Variants in FAT4 observed in about 807,000 individuals in gnomAD.
FAT4 encodes protocadherin Fat 4.
Under a neutral mutation model 303.9 loss-of-function variants are expected in FAT4, and 84 were observed. The ratio of observed to expected loss-of-function variants is 0.28; its 90% CI spans 0.23 to 0.33. FAT4 has a LOEUF of 0.33. FAT4 is among the 10% of genes least tolerant of loss of function. FAT4 has a pLI of 1.00. For synonymous variants in FAT4, 2,307 were observed against 2,298.8 expected, an observed-to-expected ratio of 1.00 and a Z score of -0.10; for missense variants, 6,005 against 6,146.8, an observed-to-expected ratio of 0.98 and a Z score of 0.77.
chr4:125,446,357 A>C lies in FAT4; in HGVS notation c.7264A>C (p.Ser2422Arg). 1.2e-6 allele frequency: 2 copies of C among 1,608,812 alleles called. No homozygotes were observed. Among genetic ancestry groups the C allele is most frequent in the Non-Finnish European group, 1.7e-6 (2 of 1,175,240 alleles). ...INPSTGQIIT[S>R]ALLDRETKDN... The stretch of plus-strand genomic sequence containing the variant: ...CCCATCGACAGGACAAATCATCACC[A>C]GCGCATTGTTAGATAGGGAAACAAA... The change falls in exon 9 of 18, where the codon AGC (serine) becomes CGC (arginine). Residue 2422 changes from serine (S) to arginine (R), a missense_variant. Coordinates refer to ENST00000394329, the MANE Select transcript of FAT4 (RefSeq NM_001291303.3).
chr4:125,394,382 TA>T (rs886433118), intron 2 of FAT4, among the ~76,000 whole-genome samples: 4 of 152,212 alleles, frequency 2.6e-5, no homozygotes, highest in African/African-American at 9.6e-5. Context: ...AAGATAAATG[TA>T]AAACACTAAG....
chr4:125,473,013 A>G (rs1295958425), intron 12 of FAT4, among the ~76,000 whole-genome samples: 1 of 152,044 alleles, frequency 6.6e-6, no homozygotes, highest in East Asian at 1.9e-4. Context: ...CAGCTGGAAC[A>G]TTTTTCTAAT....
At chr4:125,416,941 G>A (rs764282257) in intron 7 of FAT4, among the ~76,000 whole-genome samples, 13 of 152,020 alleles carry the variant, frequency 8.6e-5, no homozygotes, top group Non-Finnish European at 1.2e-4. Flanking sequence ...AACGAAACTC[G>A]TCTCAAAATA....
At chr4:125,361,819 G>A (rs915185508) in intron 2 of FAT4, among the ~76,000 whole-genome samples, 2 of 152,090 alleles carry the variant, frequency 1.3e-5, no homozygotes, top group Non-Finnish European at 2.9e-5. Flanking sequence ...TCAGTCATGA[G>A]CTCTATTTGT....
At chr4:125,408,026 T>C (rs899125304) in intron 4 of FAT4, among the ~76,000 whole-genome samples, 2 of 152,150 alleles carry the variant, frequency 1.3e-5, no homozygotes, top group Admixed American at 1.3e-4. Context: ...GACTTAGTTA[T>C]TGCAATGACC....
At position 125,416,763 on chromosome 4, in the gene FAT4, T is replaced by G. The variant is rs1735091305; in HGVS notation, c.7018+141T>G. The G allele has an allele frequency of 7.0e-6, 5 of 710,214 alleles. No homozygotes were observed. In the East Asian group the frequency reaches 1.3e-4, roughly 19 times the overall value. 44.0% of individuals were successfully genotyped at this position (710,214 alleles called of 1,614,324 possible). On this transcript the variant is annotated intron_variant, in intron 7 of 17. Transcript: ENST00000394329. ...GAGTTCAAGACCAGCCTGACCAACA[T>G]GGTGAAACCCCATCACTACTAAAAA...
intron 8 of FAT4, among the ~76,000 whole-genome samples, chr4:125,440,460 C>T (rs540252159): frequency 6.6e-6 from 1 of 152,094 alleles, no homozygotes; most frequent in South Asian, 2.1e-4. Flanking sequence ...TGCTCAATGT[C>T]TATATAAATA....
chr4:125,355,793 G>A (rs1255082080), intron 2 of FAT4, among the ~76,000 whole-genome samples: 1 of 151,716 alleles, frequency 6.6e-6, no homozygotes, highest in African/African-American at 2.4e-5. Context: ...AAAAACATAT[G>A]GCACTGATGA....
intron 2 of FAT4, among the ~76,000 whole-genome samples, chr4:125,334,612 G>A (rs1731503597): frequency 6.6e-6 from 1 of 152,098 alleles, no homozygotes; most frequent in South Asian, 2.1e-4. Context: ...GACAGTTTCA[G>A]GAGATTTGCT....
Position 125,476,242 on chromosome 4 carries a change from A to C in FAT4, c.12285A>C (p.Ala4095=), listed in dbSNP as rs746893735. 8.8e-6 allele frequency: 14 copies of C among 1,587,560 alleles called. No individual in the cohort carries two copies. Among genetic ancestry groups the C allele is most frequent in the Non-Finnish European group, 1.0e-5 (12 of 1,161,940 alleles). ...EPGYCTVSNV[A]VSDDWTLDVQ... is the part of the protein sequence containing the mutation. ...GATATTGTACTGTCAGTAATGTGGCAGTTTCAGATGACTGGTAAGGAATAG... is the reference window on the plus strand; with the variant it reads ...GATATTGTACTGTCAGTAATGTGGCCGTTTCAGATGACTGGTAAGGAATAG... The change falls in exon 13 of 18, where the codon GCA becomes GCC. Residue 4095 remains alanine, a synonymous_variant. Coordinates refer to ENST00000394329, the MANE Select transcript of FAT4 (RefSeq NM_001291303.3).
At chr4:125,437,991 A>G (rs1160628733) in intron 8 of FAT4, among the ~76,000 whole-genome samples, 3 of 152,220 alleles carry the variant, frequency 2.0e-5, no homozygotes, top group Non-Finnish European at 4.4e-5. Context: ...AATCATGCAA[A>G]GCACCTAGCC....
At chr4:125,429,754 T>A (rs1449891723) in intron 7 of FAT4, among the ~76,000 whole-genome samples, 2 of 152,210 alleles carry the variant, frequency 1.3e-5, no homozygotes, top group Admixed American at 1.3e-4. Flanking sequence ...GGTTTACAGA[T>A]AATGACTCTG....
At chr4:125,347,929 T>C (rs1181061490) in intron 2 of FAT4, among the ~76,000 whole-genome samples, 1 of 151,714 alleles carries the variant, frequency 6.6e-6, no homozygotes, top group Non-Finnish European at 1.5e-5. Flanking sequence ...AATAATCATA[T>C]TGATGCTTAA....
chr4:125,461,811 G>GA (rs551270212), intron 10 of FAT4, among the ~76,000 whole-genome samples: 31 of 150,990 alleles, frequency 2.1e-4, no homozygotes, highest in African/African-American at 2.7e-4. Flanking sequence ...TGTGCTGTAA[G>GA]AAAAAAAAAT....
Position 125,461,310 on chromosome 4 carries a change from G to A in FAT4, c.11801-2253G>A, listed in dbSNP as rs529784642. ...TGCTATTTAACTCAAGATTTATAAA[G>A]GTAGTATTTGTAAATGAAATTCAAA... is the stretch of plus-strand genomic sequence containing the variant. On this transcript the variant is annotated intron_variant, in intron 10 of 17. Coordinates refer to ENST00000394329, the MANE Select transcript of FAT4 (RefSeq NM_001291303.3). 5.3e-5 allele frequency among the ~76,000 whole-genome samples: 8 copies of A among 152,020 alleles called. No individual in the cohort carries two copies. In the East Asian group the frequency reaches 1.5e-3, roughly 29 times the overall value.
chr4:125,459,072 A>G (rs996399922), intron 10 of FAT4, among the ~76,000 whole-genome samples: 10 of 151,962 alleles, frequency 6.6e-5, no homozygotes, highest in Non-Finnish European at 1.2e-4. Flanking sequence ...ATGGATTTTT[A>G]GAGTTGCACA....
rs1452537408 is a variant in FAT4, at chr4:125,319,947, T to A, written c.3536T>A (p.Val1179Asp). The change falls in exon 2 of 18, where the codon GTC becomes GAC. Residue 1179 changes from valine to aspartate, a missense_variant. By Grantham distance (152) the Val-to-Asp change is radical. Transcript: ENST00000394329. Reference sequence around the variant, plus strand: ...GGGACTGCTGTGTTTAGCTTTACAGTCATAGCAACAGATCAGGGGATCCCT... The same window carrying A: ...GGGACTGCTGTGTTTAGCTTTACAGACATAGCAACAGATCAGGGGATCCCT... ...RRGTAVFSFT[V>D]IATDQGIPQP... The A allele has an allele frequency of 6.2e-7, 1 of 1,613,364 alleles. No individual in the cohort carries two copies. Among genetic ancestry groups the A allele is most frequent in the African/African-American group, 1.3e-5 (1 of 74,888 alleles).
At chr4:125,392,393 A>G (rs761929675) in intron 2 of FAT4, among the ~76,000 whole-genome samples, 12 of 151,840 alleles carry the variant, frequency 7.9e-5, no homozygotes, top group Middle Eastern at 3.4e-3. Flanking sequence ...ATTAAGCACT[A>G]TTTGCCTTGA....
At position 125,491,277 on chromosome 4, in the gene FAT4, T is replaced by G. The variant is rs758016756; in HGVS notation, c.14461T>G (p.Cys4821Gly). The change falls in exon 18 of 18, where the codon TGC (cysteine) becomes GGC (glycine). Residue 4821 changes from cysteine to glycine, a missense_variant. Cys to Gly is a radical substitution (Grantham distance 159). Coordinates refer to ENST00000394329, the MANE Select transcript of FAT4 (RefSeq NM_001291303.3). ...DHGRSSSEED[C>G]RRPLSRTRNP... ...TGGGAGGTCTTCTTCAGAGGAGGAC[T>G]GCAGAAGGCCACTGTCTAGAACAAG... 4.3e-6 allele frequency: 7 copies of G among 1,614,052 alleles called. No individual in the cohort carries two copies. The East Asian group carries it at 1.1e-4, about 26-fold the overall frequency.
Sources: allele counts gnomAD v4.1 joint callset (sites outside exome capture counted in the v4.1 genomes callset), GRCh38; gene constraint gnomAD v4.1.1; transcripts MANE v1.5; gene names NCBI Gene and HGNC (gene_info 2026-07-23, HGNC 2026-07-21).